Variants in DYM observed in about 807,000 individuals in gnomAD.
DYM encodes the protein dyggve-Melchior-Clausen syndrome protein.
In DYM, 78 loss-of-function variants were observed where a neutral mutation model predicts 93.1. The ratio of observed to expected loss-of-function variants is 0.84; its 90% CI spans 0.70 to 1.01. DYM has a LOEUF of 1.01. DYM is among the 50% of genes least tolerant of loss of function. DYM has a pLI of 0.00. For missense variants in DYM, 789 were observed against 845.0 expected (o/e 0.93, Z 0.82); for synonymous variants, 321 against 319.7 (o/e 1.00, Z -0.04).
intron 8 of DYM, among the ~76,000 whole-genome samples, chr18:49,301,931 TTC>T (rs1320268396): frequency 6.6e-6 from 1 of 152,166 alleles, no homozygotes; most frequent in Non-Finnish European, 1.5e-5. Flanking sequence ...CTCTCCTTCC[TTC>T]TCTCTCACAA....
chr18:49,333,628 C>A (rs527798923), intron 7 of DYM, 100 bp downstream of exon 7: 2 of 1,296,388 alleles, frequency 1.5e-6, no homozygotes, highest in African/African-American at 1.5e-5. Context: ...AGAGGAAATA[C>A]CTGGTTGGAG....
At chr18:49,221,113 C>A (rs1194677558) in intron 13 of DYM, among the ~76,000 whole-genome samples, 1 of 152,198 alleles carries the variant, frequency 6.6e-6, no homozygotes, top group Non-Finnish European at 1.5e-5. Context: ...ACAGACACTT[C>A]TCAAAAGAAG....
rs144223243 is a variant in DYM at position 49,036,967 on chromosome 18, T to C, written c.*7088A>G. Among the ~76,000 whole-genome samples the C allele has an allele frequency of 2.5e-3, 373 of 152,164 alleles. 2 individuals carry two copies. Among genetic ancestry groups the C allele is most frequent in the African/African-American group, 8.9e-3 (369 of 41,514 alleles). On this transcript the variant is annotated 3_prime_UTR_variant, in exon 18 of 18. Transcript: ENST00000675505. ...CCCAGGCTGGAGTGCAGTGGCACAATCTCTGCCCACTGAACCCTCCACCTC... is the reference window on the plus strand; with the variant it reads ...CCCAGGCTGGAGTGCAGTGGCACAACCTCTGCCCACTGAACCCTCCACCTC...
At position 49,384,673 on chromosome 18, in the gene DYM, A is replaced by G. The variant is rs1436012724; in HGVS notation, c.194-4915T>C. Among the ~76,000 whole-genome samples, 7 of 151,942 alleles carry G rather than the reference A, an allele frequency of 4.6e-5. No homozygotes were observed. In the East Asian group the frequency reaches 1.4e-3, roughly 29 times the overall value. On this transcript the variant is annotated intron_variant, in intron 3 of 17. Transcript: ENST00000675505. Reference sequence around the variant, plus strand: ...CAGCCTGACATTAAAAGATCTACAAACGACTAGAAATGATTAAGAAATAAA... The same window carrying G: ...CAGCCTGACATTAAAAGATCTACAAGCGACTAGAAATGATTAAGAAATAAA...
intron 8 of DYM, among the ~76,000 whole-genome samples, chr18:49,321,906 C>G (rs534105877): frequency 3.3e-5 from 5 of 152,184 alleles, no homozygotes; most frequent in African/African-American, 9.6e-5. Flanking sequence ...ATTTTCACAA[C>G]TATGCCTGTT....
chr18:49,368,337 C>T (rs2066698053), intron 5 of DYM, among the ~76,000 whole-genome samples: 1 of 152,068 alleles, frequency 6.6e-6, no homozygotes, highest in Admixed American at 6.5e-5. Flanking sequence ...ACAATCACAC[C>T]TATTATATGA....
chr18:49,363,058 C>A, intron 6 of DYM, 103 bp downstream of exon 6: 1 of 867,200 alleles, frequency 1.2e-6, no homozygotes, highest in South Asian at 1.4e-5. Context: ...AAAAGGCACA[C>A]ATATAAGTTC....
intron 3 of DYM, among the ~76,000 whole-genome samples, chr18:49,382,954 C>T (rs1307133660): frequency 6.6e-6 from 1 of 152,068 alleles, no homozygotes. Flanking sequence ...TAAGATCTCA[C>T]CGAAAGACTC....
chr18:49,330,376 C>A (rs1323875339), intron 8 of DYM, among the ~76,000 whole-genome samples: 1 of 152,006 alleles, frequency 6.6e-6, no homozygotes, highest in Non-Finnish European at 1.5e-5. Context: ...ATTAGATAGA[C>A]AAGGAAACTG....
chr18:49,331,842 G>C, intron 8 of DYM, 22 bp downstream of exon 8: 1 of 1,613,640 alleles, frequency 6.2e-7, no homozygotes, highest in Middle Eastern at 1.7e-4. Flanking sequence ...CCAAAGAATT[G>C]AAAAAATCTG....
intron 6 of DYM, among the ~76,000 whole-genome samples, chr18:49,350,517 C>A (rs912330517): frequency 6.6e-6 from 1 of 151,882 alleles, no homozygotes; most frequent in Non-Finnish European, 1.5e-5. Context: ...ACCAGCCTGG[C>A]CAACTTGGTG....
chr18:49,303,364 G>A (rs1046680887), intron 8 of DYM, among the ~76,000 whole-genome samples: 1 of 152,140 alleles, frequency 6.6e-6, no homozygotes, highest in African/African-American at 2.4e-5. Context: ...AGAAGAAAAC[G>A]AGCAGGAATG....
At chr18:49,186,964 G>C (rs149782843) in intron 14 of DYM, among the ~76,000 whole-genome samples, 2,047 of 145,778 alleles carry the variant, frequency 0.014, 53 homozygotes, top group African/African-American at 0.05. Flanking sequence ...CTGTCACCCA[G>C]GCTGGAGTGC....
intron 13 of DYM, among the ~76,000 whole-genome samples, chr18:49,234,915 G>A (rs960785565): frequency 2.0e-5 from 3 of 152,160 alleles, no homozygotes; most frequent in Non-Finnish European, 4.4e-5. Context: ...CACATGTAAG[G>A]ACCAGAGAGA....
At chr18:49,129,890 T>C (rs1055402473) in intron 15 of DYM, among the ~76,000 whole-genome samples, 1 of 152,152 alleles carries the variant, frequency 6.6e-6, no homozygotes, top group African/African-American at 2.4e-5. Context: ...GGTAGAAACA[T>C]GTCTGCCCCT....
intron 15 of DYM, among the ~76,000 whole-genome samples, chr18:49,156,225 T>TA (rs1444633158): frequency 6.6e-6 from 1 of 152,180 alleles, no homozygotes; most frequent in Non-Finnish European, 1.5e-5. Context: ...TTTTCCCATT[T>TA]AAAAAATGCA....
intron 8 of DYM, among the ~76,000 whole-genome samples, chr18:49,321,890 T>C (rs1409171449): frequency 6.6e-6 from 1 of 152,130 alleles, no homozygotes; most frequent in Non-Finnish European, 1.5e-5. Context: ...TAATTAGAAA[T>C]CTGTTATTTT....
chr18:49,433,850 A>T (rs1254620602), intron 1 of DYM, among the ~76,000 whole-genome samples: 1 of 152,154 alleles, frequency 6.6e-6, no homozygotes, highest in African/African-American at 2.4e-5. Flanking sequence ...CCTGGGCGAC[A>T]GAGTGAAACT....
At chr18:49,403,653 C>T (rs1425078848) in intron 2 of DYM, among the ~76,000 whole-genome samples, 2 of 152,034 alleles carry the variant, frequency 1.3e-5, no homozygotes, top group African/African-American at 4.8e-5. Flanking sequence ...GGGTATATTG[C>T]ATGATGCTGA....
Sources: allele counts gnomAD v4.1 joint callset (sites outside exome capture counted in the v4.1 genomes callset), GRCh38; gene constraint gnomAD v4.1.1; transcripts MANE v1.5; gene names NCBI Gene and HGNC (gene_info 2026-07-23, HGNC 2026-07-21).